Variants in CNTN5 observed in about 807,000 individuals in gnomAD.
CNTN5 encodes the protein contactin 5, also known as contactin-5.
In CNTN5, 77 loss-of-function variants were observed where a neutral mutation model predicts 129.1. The observed-to-expected ratio is 0.60, with a 90% CI of 0.50 to 0.72. The LOEUF (loss-of-function observed/expected upper bound fraction) is 0.72, where lower values mean the gene tolerates loss of function less well. Ranked by LOEUF, CNTN5 falls within the 30% of genes least tolerant of loss-of-function variation. CNTN5 has a pLI of 0.00. For missense variants in CNTN5, 1,478 were observed against 1,328.8 expected, an observed-to-expected ratio of 1.11 and a Z score of -1.75; for synonymous variants, 509 against 465.6, an observed-to-expected ratio of 1.09 and a Z score of -1.20.
At chr11:99,119,126 T>A (rs1858183229) in intron 1 of CNTN5, among the ~76,000 whole-genome samples, 1 of 152,306 alleles carries the variant, frequency 6.6e-6, no homozygotes, top group Admixed American at 6.5e-5. Flanking sequence ...TTCTCCATTA[T>A]CAATCTCGCT....
intron 24 of CNTN5, 65 bp from the exon 25 acceptor site, chr11:100,356,052 C>A: frequency 9.2e-7 from 1 of 1,084,068 alleles, no homozygotes. Flanking sequence ...ATACTAAAAA[C>A]AATTCTGTCC....
rs1945719658 is a variant in CNTN5 at position 99,484,281 on chromosome 11, TCAA to T, written c.-70-71858_-70-71856del. On this transcript the variant is annotated intron_variant, in intron 2 of 24. Transcript: ENST00000524871. Reference sequence around the variant, plus strand: ...GCCAACAAATATATGAAAAAAAAGCTCAACAACACCAGTCATCAGGGAAATGCA... The same window carrying T: ...GCCAACAAATATATGAAAAAAAAGCTCAACACCAGTCATCAGGGAAATGCA... 2.6e-5 allele frequency among the ~76,000 whole-genome samples: 4 copies of T among 151,782 alleles called. No homozygotes were observed. The South Asian group carries it at 8.3e-4, about 32-fold the overall frequency.
intron 3 of CNTN5, among the ~76,000 whole-genome samples, chr11:99,601,918 C>G (rs1950323168): frequency 6.6e-6 from 1 of 152,210 alleles, no homozygotes; most frequent in Non-Finnish European, 1.5e-5. Context: ...TTAATCATAT[C>G]ACTTTACACA....
At chr11:99,802,859 A>G (rs1006402410) in intron 3 of CNTN5, among the ~76,000 whole-genome samples, 12 of 152,048 alleles carry the variant, frequency 7.9e-5, no homozygotes, top group African/African-American at 2.9e-4. Flanking sequence ...CTGAATGTGG[A>G]GTGGAGAGGG....
chr11:99,810,619 T>C (rs942630050), intron 3 of CNTN5, among the ~76,000 whole-genome samples: 1 of 152,166 alleles, frequency 6.6e-6, no homozygotes, highest in Non-Finnish European at 1.5e-5. Context: ...GACAACCAAA[T>C]TGAAATGATG....
intron 8 of CNTN5, among the ~76,000 whole-genome samples, chr11:99,991,068 C>T (rs1248694478): frequency 6.6e-6 from 1 of 152,188 alleles, no homozygotes; most frequent in African/African-American, 2.4e-5. Flanking sequence ...ATCTTTTGCC[C>T]TGTCTAGTGT....
chr11:99,893,758 A>C (rs1382948775), intron 6 of CNTN5, among the ~76,000 whole-genome samples: 1 of 152,234 alleles, frequency 6.6e-6, no homozygotes, highest in Non-Finnish European at 1.5e-5. Flanking sequence ...ATTCCTTCAC[A>C]TTAAGCTAAC....
chr11:100,129,350 T>C (rs1016678664), intron 13 of CNTN5, among the ~76,000 whole-genome samples: 1 of 152,174 alleles, frequency 6.6e-6, no homozygotes, highest in African/African-American at 2.4e-5. Context: ...GTCTTAATCT[T>C]GACCAATGGG....
intron 15 of CNTN5, among the ~76,000 whole-genome samples, chr11:100,213,750 G>T (rs1336879211): frequency 1.3e-5 from 2 of 152,090 alleles, no homozygotes; most frequent in African/African-American, 4.8e-5. Flanking sequence ...TGTAAGCATT[G>T]CTTTGAATAG....
intron 3 of CNTN5, among the ~76,000 whole-genome samples, chr11:99,732,497 C>T (rs1943568738): frequency 6.6e-6 from 1 of 151,002 alleles, no homozygotes; most frequent in South Asian, 2.1e-4. Flanking sequence ...AAATTTAGAA[C>T]AAAGACAGTG....
intron 1 of CNTN5, among the ~76,000 whole-genome samples, chr11:99,044,694 T>C (rs1310352059): frequency 1.3e-5 from 2 of 152,106 alleles, no homozygotes; most frequent in Non-Finnish European, 2.9e-5. Context: ...GCTGTCAAAA[T>C]CCTTTTCCCG....
chr11:99,067,709 G>A (rs1865160032), intron 1 of CNTN5, among the ~76,000 whole-genome samples: 1 of 152,172 alleles, frequency 6.6e-6, no homozygotes, highest in Admixed American at 6.6e-5. Context: ...TTCTGCCTCT[G>A]TAGAAGCAGA....
chr11:99,954,213 A>G (rs1950743795), intron 7 of CNTN5, among the ~76,000 whole-genome samples: 1 of 152,238 alleles, frequency 6.6e-6, no homozygotes, highest in African/African-American at 2.4e-5. Flanking sequence ...GGGTTCATGC[A>G]AAAGCATTCT....
intron 1 of CNTN5, among the ~76,000 whole-genome samples, chr11:99,251,829 A>C (rs546602315): frequency 2.6e-4 from 40 of 152,116 alleles, no homozygotes; most frequent in African/African-American, 6.7e-4. Flanking sequence ...TCCTTTATCC[A>C]TGGCTATATG....
chr11:99,355,596 A>G (rs1938590305), intron 2 of CNTN5, among the ~76,000 whole-genome samples: 1 of 152,124 alleles, frequency 6.6e-6, no homozygotes, highest in Non-Finnish European at 1.5e-5. Flanking sequence ...GCTGTCATCT[A>G]GAAAAAGTAG....
chr11:99,670,665 G>C (rs1015111545), intron 3 of CNTN5, among the ~76,000 whole-genome samples: 14 of 152,274 alleles, frequency 9.2e-5, no homozygotes, highest in Non-Finnish European at 1.6e-4. Context: ...GAGTAGAGGA[G>C]ATCCCACAAA....
intron 13 of CNTN5, among the ~76,000 whole-genome samples, chr11:100,125,589 A>C (rs925574549): frequency 8.5e-5 from 13 of 152,050 alleles, no homozygotes; most frequent in Non-Finnish European, 1.5e-4. Flanking sequence ...GGTTGATTCC[A>C]TGACTTCGCT....
chr11:99,594,753 C>T (rs918196479), intron 3 of CNTN5, among the ~76,000 whole-genome samples: 5 of 152,192 alleles, frequency 3.3e-5, no homozygotes, highest in African/African-American at 1.2e-4. Context: ...TAGATCAGTA[C>T]AACCCTGTAA....
chr11:100,150,031 G>C (rs1462664985), intron 13 of CNTN5, among the ~76,000 whole-genome samples: 1 of 151,990 alleles, frequency 6.6e-6, no homozygotes, highest in Non-Finnish European at 1.5e-5. Flanking sequence ...CAGGAGAAAA[G>C]TACTTGGTGT....
Sources: allele counts gnomAD v4.1 joint callset (sites outside exome capture counted in the v4.1 genomes callset), GRCh38; gene constraint gnomAD v4.1.1; transcripts MANE v1.5; gene names NCBI Gene and HGNC (gene_info 2026-07-23, HGNC 2026-07-21).